Variants in EPHA6 observed in about 807,000 individuals in gnomAD.
EPHA6 encodes EPH receptor A6, also known as ephrin type-A receptor 6.
Under a neutral mutation model 112.0 loss-of-function variants are expected in EPHA6, and 50 were observed. The observed-to-expected ratio is 0.45, with a 90% confidence interval of 0.36 to 0.56. The LOEUF (loss-of-function observed/expected upper bound fraction) is 0.56, where lower values mean the gene tolerates loss of function less well. Among genes scored for constraint, EPHA6 ranks in the 20% least tolerant of loss-of-function variants. The pLI is 0.00. For synonymous variants in EPHA6, 529 were observed against 490.7 expected, an observed-to-expected ratio of 1.08 and a Z score of -1.03; for missense variants, 1,280 against 1,417.4, an observed-to-expected ratio of 0.90 and a Z score of 1.56.
chr3:97,300,565 G>T (rs2081053766), intron 5 of EPHA6, among the ~76,000 whole-genome samples: 1 of 152,092 alleles, frequency 6.6e-6, no homozygotes, highest in Non-Finnish European at 1.5e-5. Context: ...TGTTTGTGAT[G>T]ATATGTCAAA....
At chr3:97,595,819 C>T (rs1458176154) in intron 12 of EPHA6, among the ~76,000 whole-genome samples, 3 of 151,118 alleles carry the variant, frequency 2.0e-5, no homozygotes, top group Non-Finnish European at 4.4e-5. Context: ...TCTTCCTCCA[C>T]TATATTTATT....
At chr3:97,065,783 C>T (rs1054961774) in intron 3 of EPHA6, among the ~76,000 whole-genome samples, 3 of 151,964 alleles carry the variant, frequency 2.0e-5, no homozygotes, top group Non-Finnish European at 4.4e-5. Context: ...TTTGTATTAA[C>T]TGTCTTCCAG....
At chr3:97,666,441 G>A (rs1399051412) in intron 14 of EPHA6, among the ~76,000 whole-genome samples, 1 of 152,194 alleles carries the variant, frequency 6.6e-6, no homozygotes, top group Non-Finnish European at 1.5e-5. Flanking sequence ...TCTTCTGAAA[G>A]TTGTGAAAGA....
intron 2 of EPHA6, among the ~76,000 whole-genome samples, chr3:96,918,619 TTTTA>T (rs1161334415): frequency 1.4e-5 from 2 of 147,448 alleles, no homozygotes; most frequent in African/African-American, 5.3e-5. Flanking sequence ...TTTAATAATA[TTTTA>T]TTTAAGGTAA....
intron 4 of EPHA6, among the ~76,000 whole-genome samples, chr3:97,240,859 A>C (rs2078824985): frequency 6.6e-6 from 1 of 151,890 alleles, no homozygotes. Context: ...GTCTTATTTG[A>C]GCAACAAACT....
At chr3:96,994,881 T>A (rs1014289824) in intron 3 of EPHA6, among the ~76,000 whole-genome samples, 2 of 151,634 alleles carry the variant, frequency 1.3e-5, no homozygotes, top group Non-Finnish European at 2.9e-5. Context: ...TATATATATG[T>A]ATCACTCAGT....
intron 3 of EPHA6, among the ~76,000 whole-genome samples, chr3:97,159,288 A>AT (rs2076359806): frequency 6.6e-6 from 1 of 152,030 alleles, no homozygotes; most frequent in South Asian, 2.1e-4. Flanking sequence ...TAACTCACTT[A>AT]TTTTTTGAGC....
At chr3:97,590,446 G>A (rs940258396) in intron 11 of EPHA6, among the ~76,000 whole-genome samples, 1 of 152,072 alleles carries the variant, frequency 6.6e-6, no homozygotes, top group African/African-American at 2.4e-5. Context: ...AAAATAATGG[G>A]TATCTTTTAT....
chr3:97,165,521 A>G (rs1023770782), intron 3 of EPHA6, among the ~76,000 whole-genome samples: 1 of 152,118 alleles, frequency 6.6e-6, no homozygotes, highest in African/African-American at 2.4e-5. Context: ...AAATATATCT[A>G]CAGTGTCTGG....
chr3:97,175,333 T>G (rs2076807827), intron 3 of EPHA6, among the ~76,000 whole-genome samples: 1 of 151,998 alleles, frequency 6.6e-6, no homozygotes, highest in Non-Finnish European at 1.5e-5. Flanking sequence ...GGTAATGTGA[T>G]TCCTCCAGAT....
chr3:97,725,397 G>A (rs764002013), intron 15 of EPHA6, among the ~76,000 whole-genome samples: 1 of 152,072 alleles, frequency 6.6e-6, no homozygotes, highest in Non-Finnish European at 1.5e-5. Flanking sequence ...ACTTAGAGGT[G>A]GTCAGAGCAT....
chr3:97,304,548 CAT>C (rs2081233174), intron 5 of EPHA6, among the ~76,000 whole-genome samples: 1 of 151,924 alleles, frequency 6.6e-6, no homozygotes, highest in African/African-American at 2.4e-5. Context: ...AAAACAAAAA[CAT>C]AGACCAATGG....
intron 5 of EPHA6, among the ~76,000 whole-genome samples, chr3:97,309,568 C>CAATAACAAATAGTTAT (rs2081460675): frequency 1.3e-5 from 2 of 151,502 alleles, no homozygotes. Context: ...TAACTATATA[C>CAATAACAAATAGTTAT]TGATAATAGT....
intron 3 of EPHA6, among the ~76,000 whole-genome samples, chr3:97,007,031 T>G (rs1382157612): frequency 6.6e-6 from 1 of 152,188 alleles, no homozygotes. Context: ...AATTATGTGG[T>G]CGATTTTAGA....
At chr3:97,039,964 A>G (rs1324325454) in intron 3 of EPHA6, among the ~76,000 whole-genome samples, 1 of 152,004 alleles carries the variant, frequency 6.6e-6, no homozygotes, top group Non-Finnish European at 1.5e-5. Context: ...ATAACTGAAC[A>G]ACTTAAAACT....
chr3:97,265,191 A>G (rs2079634199), intron 5 of EPHA6, among the ~76,000 whole-genome samples: 1 of 152,124 alleles, frequency 6.6e-6, no homozygotes, highest in Non-Finnish European at 1.5e-5. Flanking sequence ...CAAAAAAGGT[A>G]TCACAAGTTC....
intron 2 of EPHA6, among the ~76,000 whole-genome samples, chr3:96,964,052 T>C (rs1332924485): frequency 6.6e-6 from 1 of 152,104 alleles, no homozygotes; most frequent in Non-Finnish European, 1.5e-5. Flanking sequence ...TAGGTTTATA[T>C]ATTATGGGTA....
At chr3:96,856,201 C>CAG (rs2035687389) in intron 1 of EPHA6, among the ~76,000 whole-genome samples, 1 of 151,780 alleles carries the variant, frequency 6.6e-6, no homozygotes, top group East Asian at 1.9e-4. Flanking sequence ...GATCGCGCCA[C>CAG]TGCACATCAG....
chr3:97,487,970 AT>A (rs1164396930), intron 10 of EPHA6, among the ~76,000 whole-genome samples: 3 of 152,172 alleles, frequency 2.0e-5, no homozygotes, highest in Non-Finnish European at 2.9e-5. Context: ...ACGGTAAACA[AT>A]TTTAATCATG....
Sources: allele counts gnomAD v4.1 joint callset (sites outside exome capture counted in the v4.1 genomes callset), GRCh38; gene constraint gnomAD v4.1.1; transcripts MANE v1.5; gene names NCBI Gene and HGNC (gene_info 2026-07-23, HGNC 2026-07-21).